OXR1: variants seen among roughly 807,000 people sequenced by gnomAD.
OXR1 encodes the protein oxidation resistance 1.
A neutral mutation model predicts 104.6 loss-of-function variants in OXR1; 41 were observed. The ratio of observed to expected loss-of-function variants is 0.39; its 90% CI spans 0.31 to 0.51. OXR1 has a LOEUF of 0.51. OXR1 is among the 20% of genes least tolerant of loss of function. OXR1 has a pLI of 0.77. For missense variants in OXR1, 955 were observed against 1,031.9 expected (o/e 0.93, Z 1.02); for synonymous variants, 348 against 348.4 (o/e 1.00, Z 0.01).
Position 106,706,921 on chromosome 8 carries a change from A to G in OXR1, c.1400A>G (p.Asn467Ser). 6.2e-7 allele frequency: 1 copy of G among 1,612,566 alleles called. No homozygotes were observed. The highest frequency in any genetic ancestry group is 8.5e-7 in the Non-Finnish European group (1 of 1,179,742). ...CACCAAGAAGAGAGTCAAAAAGAAA[A>G]TATGCCTTGTGGGGAAACAGCAGAA... ...SLHQEESQKE[N>S]MPCGETAEFK... Residue 467 changes from asparagine to serine, a missense_variant, in exon 9 of 17, where the codon AAT (asparagine) becomes AGT (serine). Coordinates refer to ENST00000517566, the MANE Select transcript of OXR1 (RefSeq NM_001198533.2).
chr8:106,495,553 T>A (rs2129900862), intron 2 of OXR1, among the ~76,000 whole-genome samples: 1 of 152,340 alleles, frequency 6.6e-6, no homozygotes, highest in Middle Eastern at 3.4e-3. Flanking sequence ...ACTAGAAGTT[T>A]GTTCTTTCTA....
intron 2 of OXR1, among the ~76,000 whole-genome samples, chr8:106,434,868 T>C (rs12056353): frequency 0.15 from 22,687 of 152,152 alleles, 1,857 homozygotes; most frequent in South Asian, 0.33. Flanking sequence ...CATTGAGGTC[T>C]CTACTTCCTT....
chr8:106,556,538 A>T (rs533408273), intron 3 of OXR1, among the ~76,000 whole-genome samples: 3 of 152,194 alleles, frequency 2.0e-5, no homozygotes, highest in African/African-American at 7.2e-5. Flanking sequence ...GGAATACTTA[A>T]TATCTCTCAG....
intron 11 of OXR1, among the ~76,000 whole-genome samples, chr8:106,719,351 A>G (rs949831033): frequency 1.1e-4 from 16 of 152,264 alleles, no homozygotes; most frequent in African/African-American, 3.4e-4. Context: ...ATATACAAAA[A>G]TAAAAGATTA....
rs117366896 is a variant in OXR1 at position 106,645,391 on chromosome 8, G to C, written c.221-33819G>C. Among the ~76,000 whole-genome samples the C allele has an allele frequency of 5.5e-4, 84 of 152,296 alleles. 4 individuals are homozygous for C. The East Asian group carries it at 0.015, about 28-fold the overall frequency. ...TCTGTGGATAGTAGGTGGGGCTGAG[G>C]TGCCTAGGCATGCCCTGCTTCTCTC... On this transcript the variant is annotated intron_variant, in intron 3 of 16. Coordinates refer to ENST00000517566, the MANE Select transcript of OXR1 (RefSeq NM_001198533.2).
intron 3 of OXR1, among the ~76,000 whole-genome samples, chr8:106,581,947 G>A (rs1230909658): frequency 6.8e-5 from 10 of 147,082 alleles, no homozygotes; most frequent in South Asian, 2.1e-4. Flanking sequence ...TCGCTTGAAC[G>A]TGGGAGGTGG....
chr8:106,557,200 C>T (rs1816349037), intron 3 of OXR1, among the ~76,000 whole-genome samples: 1 of 152,112 alleles, frequency 6.6e-6, no homozygotes, highest in Non-Finnish European at 1.5e-5. Flanking sequence ...AGGAAATATA[C>T]CTGAAAAGCT....
chr8:106,409,142 C>T (rs1324146169), intron 2 of OXR1, among the ~76,000 whole-genome samples: 3 of 152,082 alleles, frequency 2.0e-5, no homozygotes, highest in Non-Finnish European at 4.4e-5. Context: ...TATAGTTTCT[C>T]CCACCACTCT....
At chr8:106,340,220 G>GAA (rs10611410) in intron 1 of OXR1, among the ~76,000 whole-genome samples, 6 of 121,364 alleles carry the variant, frequency 4.9e-5, no homozygotes, top group Non-Finnish European at 7.6e-5. Context: ...TGAGGGAAAA[G>GAA]AAAAAAAAAA....
At chr8:106,568,468 G>A (rs1376146127) in intron 3 of OXR1, among the ~76,000 whole-genome samples, 2 of 151,962 alleles carry the variant, frequency 1.3e-5, no homozygotes, top group Admixed American at 6.6e-5. Context: ...TGTACTAGAC[G>A]GATGATAAAA....
chr8:106,452,097 C>T (rs1161703180), intron 2 of OXR1, among the ~76,000 whole-genome samples: 1 of 152,188 alleles, frequency 6.6e-6, no homozygotes, highest in Non-Finnish European at 1.5e-5. Context: ...CTAACTCCAT[C>T]TGCATTTGGT....
At chr8:106,360,620 G>A (rs1055288670) in intron 2 of OXR1, among the ~76,000 whole-genome samples, 28 of 151,776 alleles carry the variant, frequency 1.8e-4, no homozygotes, top group African/African-American at 6.8e-4. Context: ...TGGCCTGGGT[G>A]CTAAGAATCT....
chr8:106,322,480 A>G (rs1814267445), intron 1 of OXR1, among the ~76,000 whole-genome samples: 2 of 152,174 alleles, frequency 1.3e-5, no homozygotes, highest in South Asian at 4.2e-4. Flanking sequence ...TTCCTTGAAA[A>G]TCAGCACAAG....
At chr8:106,733,418 A>C (rs1342488017) in intron 11 of OXR1, among the ~76,000 whole-genome samples, 1 of 152,100 alleles carries the variant, frequency 6.6e-6, no homozygotes, top group Admixed American at 6.6e-5. Flanking sequence ...AGATTACAAA[A>C]TTGGCTTCTG....
intron 10 of OXR1, among the ~76,000 whole-genome samples, chr8:106,713,118 C>A (rs1338854800): frequency 5.9e-5 from 9 of 151,786 alleles, no homozygotes; most frequent in Non-Finnish European, 1.2e-4. Context: ...TTTTAAAAAT[C>A]ATTATATTGA....
At position 106,751,932 on chromosome 8, in the gene OXR1, A is replaced by G. The variant is rs1261347876; in HGVS notation, c.*991A>G. On this transcript the variant is annotated 3_prime_UTR_variant, in exon 17 of 17. Coordinates refer to ENST00000517566, the MANE Select transcript of OXR1 (RefSeq NM_001198533.2). The stretch of plus-strand genomic sequence containing the variant: ...TTAATTACCATTAGCATTTGCTCTT[A>G]TAAAGGGCAATGATTATAGTAGACA... 1 of 152,440 alleles carries G rather than the reference A, an allele frequency of 6.6e-6. No homozygotes were observed. The highest frequency in any genetic ancestry group is 1.5e-5 in the Non-Finnish European group (1 of 67,954). The allele number at this position is 152,440 out of a possible 1,614,324, so 9.4% of individuals were successfully genotyped here. A position where few individuals can be genotyped will look rare whatever the true frequency, so the allele number is the denominator to read the frequency against.
At chr8:106,583,975 C>G (rs987349133) in intron 3 of OXR1, among the ~76,000 whole-genome samples, 1 of 151,712 alleles carries the variant, frequency 6.6e-6, no homozygotes, top group Non-Finnish European at 1.5e-5. Context: ...CTGACTAAAC[C>G]AAGGACACAG....
intron 2 of OXR1, among the ~76,000 whole-genome samples, chr8:106,448,459 A>G (rs919858246): frequency 1.3e-5 from 2 of 151,830 alleles, no homozygotes; most frequent in African/African-American, 2.4e-5. Flanking sequence ...CATAATTTGT[A>G]TTCTCAATTA....
At chr8:106,523,405 A>G (rs1406187978) in intron 3 of OXR1, among the ~76,000 whole-genome samples, 1 of 152,076 alleles carries the variant, frequency 6.6e-6, no homozygotes, top group Non-Finnish European at 1.5e-5. Context: ...AATTCTGCCT[A>G]TCACATTTTA....
Sources: gnomAD v4.1 joint callset for allele counts (sites outside exome capture counted in the v4.1 genomes callset) on GRCh38, gnomAD v4.1.1 for gene constraint, MANE v1.5 for transcripts, NCBI Gene and HGNC (gene_info 2026-07-23, HGNC 2026-07-21) for gene names.